Variants in IKZF2 observed in about 807,000 individuals in gnomAD.
IKZF2 encodes the protein IKAROS family zinc finger 2, also known as zinc finger protein Helios.
Under a neutral mutation model 49.2 loss-of-function variants are expected in IKZF2, and 15 were observed. The ratio of observed to expected loss-of-function variants is 0.30; its 90% CI spans 0.20 to 0.47. The LOEUF (loss-of-function observed/expected upper bound fraction) is 0.47. IKZF2 is among the 20% of genes least tolerant of loss of function. The pLI, the probability that IKZF2 is intolerant of heterozygous loss-of-function variation, is 1.00. For missense variants in IKZF2, 567 were observed against 664.6 expected, an observed-to-expected ratio of 0.85 and a Z score of 1.61; for synonymous variants, 227 against 221.4, an observed-to-expected ratio of 1.03 and a Z score of -0.23.
chr2:213,144,358 CATT>C (rs2060972999), intron 4 of IKZF2, among the ~76,000 whole-genome samples: 1 of 151,638 alleles, frequency 6.6e-6, no homozygotes, highest in Admixed American at 6.6e-5. Context: ...TATACATAAA[CATT>C]ATAAAAAAAT....
chr2:213,096,787 T>TGA (rs1440181305), intron 4 of IKZF2, among the ~76,000 whole-genome samples: 5 of 151,974 alleles, frequency 3.3e-5, no homozygotes, highest in African/African-American at 1.2e-4. Flanking sequence ...CCGTCCAAAA[T>TGA]GAGGTGTCAA....
chr2:213,074,787 G>GA (rs376478255), intron 4 of IKZF2, among the ~76,000 whole-genome samples: 78 of 152,000 alleles, frequency 5.1e-4, no homozygotes, highest in African/African-American at 1.8e-3. Context: ...TTTCATTTAG[G>GA]AAAAAACCTT....
At chr2:213,096,020 G>A (rs1008068427) in intron 4 of IKZF2, among the ~76,000 whole-genome samples, 4 of 151,896 alleles carry the variant, frequency 2.6e-5, no homozygotes, top group Non-Finnish European at 4.4e-5. Context: ...ATATTATACA[G>A]CTTATAGAAG....
chr2:213,006,652 A>T lies in IKZF2; in HGVS notation c.*708T>A, dbSNP rs768030443. 3 of 152,544 alleles carry T rather than the reference A, an allele frequency of 2.0e-5. No homozygotes were observed. Among genetic ancestry groups the T allele is most frequent in the Middle Eastern group, 3.4e-3 (1 of 294 alleles). 9.4% of individuals were successfully genotyped at this position (152,544 alleles called of 1,614,324 possible). On this transcript the variant is annotated 3_prime_UTR_variant, in exon 9 of 9. Transcript: ENST00000434687. Reference sequence around the variant, plus strand: ...GGGTGTCTATAAAATGCCAGTCATCAAAACTATGGAAAAACAGTGCTTACG... The same window carrying T: ...GGGTGTCTATAAAATGCCAGTCATCTAAACTATGGAAAAACAGTGCTTACG...
intron 4 of IKZF2, among the ~76,000 whole-genome samples, chr2:213,087,732 A>G (rs960809383): frequency 6.6e-6 from 1 of 152,150 alleles, no homozygotes; most frequent in African/African-American, 2.4e-5. Context: ...GTTCCCACCT[A>G]TGAGTGAGAA....
chr2:213,014,044 T>C (rs1277004920), intron 7 of IKZF2, 110 bp from the exon 8 acceptor site: 2 of 906,578 alleles, frequency 2.2e-6, no homozygotes, highest in Non-Finnish European at 1.7e-6. Context: ...TATGCTTCAG[T>C]AGAAGCAAGT....
intron 4 of IKZF2, among the ~76,000 whole-genome samples, chr2:213,113,201 T>G (rs2059769490): frequency 6.6e-6 from 1 of 152,222 alleles, no homozygotes; most frequent in South Asian, 2.1e-4. Context: ...GTCTCTTTTA[T>G]TCCTACTTTA....
intron 4 of IKZF2, among the ~76,000 whole-genome samples, chr2:213,122,049 C>T (rs2060075503): frequency 6.6e-6 from 1 of 151,956 alleles, no homozygotes; most frequent in African/African-American, 2.4e-5. Context: ...GAAAGCCAAG[C>T]AAAGGAAAAA....
intron 4 of IKZF2, among the ~76,000 whole-genome samples, chr2:213,124,106 A>G (rs897079520): frequency 6.6e-5 from 10 of 152,104 alleles, no homozygotes; most frequent in Non-Finnish European, 1.5e-5. Flanking sequence ...GCATGCTGTC[A>G]AGGATATTCT....
At chr2:213,029,690 G>A (rs1698198978) in intron 6 of IKZF2, among the ~76,000 whole-genome samples, 2 of 151,994 alleles carry the variant, frequency 1.3e-5, no homozygotes, top group African/African-American at 4.8e-5. Flanking sequence ...ACAAAACCCT[G>A]TTTTGGGTTT....
At chr2:213,128,415 C>T (rs2060338876) in intron 4 of IKZF2, among the ~76,000 whole-genome samples, 1 of 152,126 alleles carries the variant, frequency 6.6e-6, no homozygotes, top group African/African-American at 2.4e-5. Flanking sequence ...CCTAAGGTCA[C>T]ACAGCTATTA....
At chr2:213,102,557 A>T (rs1416697323) in intron 4 of IKZF2, among the ~76,000 whole-genome samples, 1 of 152,022 alleles carries the variant, frequency 6.6e-6, no homozygotes, top group Non-Finnish European at 1.5e-5. Context: ...AGTAAATAAG[A>T]CGTCAATCTC....
At chr2:213,065,631 CA>C (rs923461791) in intron 4 of IKZF2, among the ~76,000 whole-genome samples, 4 of 152,006 alleles carry the variant, frequency 2.6e-5, no homozygotes, top group African/African-American at 7.2e-5. Context: ...CTGAATTAAT[CA>C]AAATAGCCAC....
chr2:213,107,798 A>C (rs1349095172), intron 4 of IKZF2, among the ~76,000 whole-genome samples: 1 of 152,188 alleles, frequency 6.6e-6, no homozygotes, highest in East Asian at 1.9e-4. Context: ...ATTTTAGAGA[A>C]CTATCAAGAA....
intron 1 of IKZF2, among the ~76,000 whole-genome samples, chr2:213,150,566 C>T (rs2126003248): frequency 6.6e-6 from 1 of 151,556 alleles, no homozygotes; most frequent in Middle Eastern, 3.4e-3. Flanking sequence ...GCACCACGTA[C>T]TTTCAGGAAA....
chr2:213,108,614 C>T (rs1054626755), intron 4 of IKZF2, among the ~76,000 whole-genome samples: 1 of 152,132 alleles, frequency 6.6e-6, no homozygotes, highest in African/African-American at 2.4e-5. Flanking sequence ...CAGGTGCCAA[C>T]TTCTACTCTT....
Position 213,022,512 on chromosome 2 carries a change from T to A in IKZF2, c.575-382A>T, listed in dbSNP as rs555494274. Among the ~76,000 whole-genome samples, 43 of 152,184 alleles carry A rather than the reference T, an allele frequency of 2.8e-4. No homozygotes were observed. The South Asian group carries it at 8.7e-3, about 31-fold the overall frequency. ...AAGAGTTGTGGTTTTTTTTTGTTTGTTTTCTTTTCGGGTAAGGGCAGAGAA... is the reference window on the plus strand; with the variant it reads ...AAGAGTTGTGGTTTTTTTTTGTTTGATTTCTTTTCGGGTAAGGGCAGAGAA... On this transcript the variant is annotated intron_variant, in intron 6 of 8. Transcript: ENST00000434687.
intron 4 of IKZF2, among the ~76,000 whole-genome samples, chr2:213,103,740 T>C (rs1178400083): frequency 1.3e-5 from 2 of 152,142 alleles, no homozygotes; most frequent in African/African-American, 4.8e-5. Flanking sequence ...ATAAGCTATT[T>C]TAAAGTCTAT....
rs1695371010 is a variant in IKZF2 at position 213,006,670 on chromosome 2, T to C, written c.*690A>G. On this transcript the variant is annotated 3_prime_UTR_variant, in exon 9 of 9. Coordinates refer to ENST00000434687, the MANE Select transcript of IKZF2 (RefSeq NM_001387220.1). The stretch of plus-strand genomic sequence containing the variant: ...AGTCATCAAAACTATGGAAAAACAG[T>C]GCTTACGTTTAGAAAAATAAGATCA... 1 of 152,382 alleles carries C rather than the reference T, an allele frequency of 6.6e-6. No individual in the cohort carries two copies. Among genetic ancestry groups the C allele is most frequent in the South Asian group, 2.1e-4 (1 of 4,834 alleles). 9.4% of individuals were successfully genotyped at this position (152,382 alleles called of 1,614,324 possible). A position where few individuals can be genotyped will look rare whatever the true frequency, so the allele number is the denominator to read the frequency against.
Sources: gnomAD v4.1 joint callset for allele counts (sites outside exome capture counted in the v4.1 genomes callset) on GRCh38, gnomAD v4.1.1 for gene constraint, MANE v1.5 for transcripts, NCBI Gene and HGNC (gene_info 2026-07-23, HGNC 2026-07-21) for gene names.